Variants in HDAC9 observed in about 807,000 individuals in gnomAD.
HDAC9 encodes the protein histone deacetylase 9, also known as MEF-2 interacting transcription repressor (MITR) protein.
Under a neutral mutation model 139.4 loss-of-function variants are expected in HDAC9, and 41 were observed. The observed-to-expected ratio is 0.29, with a 90% CI of 0.23 to 0.38. The LOEUF (loss-of-function observed/expected upper bound fraction) is 0.38. HDAC9 is among the 10% of genes least tolerant of loss of function. The pLI is 1.00. For missense variants in HDAC9, 1,147 were observed against 1,297.0 expected (o/e 0.88, Z 1.78); for synonymous variants, 517 against 476.2 (o/e 1.09, Z -1.12).
intron 12 of HDAC9, among the ~76,000 whole-genome samples, chr7:18,690,699 C>A (rs1375222596): frequency 6.6e-6 from 1 of 151,830 alleles, no homozygotes; most frequent in Non-Finnish European, 1.5e-5. Context: ...AAAGAGAAGT[C>A]TAATTATTTT....
chr7:18,157,233 C>T (rs1283196878), intron 1 of HDAC9, among the ~76,000 whole-genome samples: 1 of 152,164 alleles, frequency 6.6e-6, no homozygotes, highest in Non-Finnish European at 1.5e-5. Context: ...TAAGGCTCCA[C>T]CAGTGCTTAT....
intron 1 of HDAC9, among the ~76,000 whole-genome samples, chr7:18,453,282 G>A (rs1563003526): frequency 6.6e-6 from 1 of 152,080 alleles, no homozygotes; most frequent in Non-Finnish European, 1.5e-5. Flanking sequence ...ATTTCCAGGT[G>A]TAATGATGAT....
Position 18,616,541 on chromosome 7 carries a change from TA to T in HDAC9, c.665-12806del, listed in dbSNP as rs1228434374. ...CAAGATAGGTAATAGTGTTTCCTTA[TA>T]AATATATATTATAAAGAGAATGTAT... is the stretch of plus-strand genomic sequence containing the variant. On this transcript the variant is annotated intron_variant, in intron 6 of 25. Coordinates refer to ENST00000686413, the MANE Select transcript of HDAC9 (RefSeq NM_178425.4). Among the ~76,000 whole-genome samples the T allele has an allele frequency of 8.5e-5, 13 of 152,300 alleles. No individual in the cohort carries two copies. The South Asian group carries it at 2.5e-3, about 29-fold the overall frequency.
intron 1 of HDAC9, among the ~76,000 whole-genome samples, chr7:18,358,592 A>G (rs1383261243): frequency 6.6e-6 from 1 of 152,222 alleles, no homozygotes. Flanking sequence ...ATGGGAGCAG[A>G]TGAGAACATG....
chr7:18,180,516 G>T (rs1458402781), intron 2 of HDAC9, among the ~76,000 whole-genome samples: 2 of 151,976 alleles, frequency 1.3e-5, no homozygotes, highest in East Asian at 3.9e-4. Context: ...GTTGTATTTG[G>T]TACCTAGATT....
intron 1 of HDAC9, among the ~76,000 whole-genome samples, chr7:18,330,021 T>A (rs1032146090): frequency 6.7e-6 from 1 of 150,294 alleles, no homozygotes; most frequent in Non-Finnish European, 1.5e-5. Context: ...TGTGTGAGAA[T>A]AATGGGAAGG....
chr7:18,979,872 G>A (rs1784785449), intron 25 of HDAC9, among the ~76,000 whole-genome samples: 1 of 152,158 alleles, frequency 6.6e-6, no homozygotes, highest in South Asian at 2.1e-4. Flanking sequence ...ATTCATGAGG[G>A]ATCTGCCTCC....
intron 2 of HDAC9, among the ~76,000 whole-genome samples, chr7:18,558,591 T>C (rs113549395): frequency 2.2e-4 from 33 of 152,340 alleles, no homozygotes; most frequent in African/African-American, 7.0e-4. Context: ...TTGTAACATT[T>C]GTATTGAATA....
Position 18,489,303 on chromosome 7 carries a change from T to G in HDAC9, c.-41-6959T>G, listed in dbSNP as rs112112892. Among the ~76,000 whole-genome samples the G allele has an allele frequency of 5.0e-3, 760 of 152,144 alleles. 13 individuals carry two copies. Among genetic ancestry groups the G allele is most frequent in the African/African-American group, 0.016 (679 of 41,554 alleles). ...TCAATTATATAACTTTCTTTAGAATTTATACAGTTTCTTAGAAAAACAAAT... is the reference window on the plus strand; with the variant it reads ...TCAATTATATAACTTTCTTTAGAATGTATACAGTTTCTTAGAAAAACAAAT... On this transcript the variant is annotated intron_variant, in intron 1 of 3. Coordinates refer to the HDAC9 transcript ENST00000413509.
chr7:18,742,655 A>T (rs1029331357), intron 13 of HDAC9, among the ~76,000 whole-genome samples: 93 of 148,060 alleles, frequency 6.3e-4, no homozygotes, highest in African/African-American at 2.2e-3. Flanking sequence ...TTATTTGGTT[A>T]TTTTTTTTTT....
intron 5 of HDAC9, among the ~76,000 whole-genome samples, chr7:18,592,955 T>G (rs1831406957): frequency 1.3e-5 from 2 of 152,106 alleles, no homozygotes; most frequent in African/African-American, 2.4e-5. Flanking sequence ...TTAAAGTTCA[T>G]TAGCTGTTCT....
chr7:18,285,719 A>T (rs1358241773), upstream of HDAC9, among the ~76,000 whole-genome samples: 1 of 152,116 alleles, frequency 6.6e-6, no homozygotes, highest in East Asian at 1.9e-4. Context: ...TGTTTACTAG[A>T]GAAGACAGGC....
chr7:18,855,759 A>C (rs113567135), intron 21 of HDAC9, among the ~76,000 whole-genome samples: 1 of 152,066 alleles, frequency 6.6e-6, no homozygotes, highest in African/African-American at 2.4e-5. Flanking sequence ...AGCCAAATCC[A>C]GGTCAAGCTG....
Position 18,996,187 on chromosome 7 carries a change from G to T in HDAC9, c.*125G>T. 1.6e-6 allele frequency: 1 copy of T among 629,012 alleles called. No individual in the cohort carries two copies. The highest frequency in any genetic ancestry group is 2.8e-6 in the Non-Finnish European group (1 of 362,036). The allele number at this position is 629,012 out of a possible 1,614,324, so 39.0% of individuals were successfully genotyped here. A position where few individuals can be genotyped will look rare whatever the true frequency, so the allele number is the denominator to read the frequency against. On this transcript the variant is annotated 3_prime_UTR_variant, in exon 26 of 26. Transcript: ENST00000686413. ...CAGATTCAATGGAACATAAACACTGGGCACAAAATTCTGAACAGCAGCTTC... is the reference window on the plus strand; with the variant it reads ...CAGATTCAATGGAACATAAACACTGTGCACAAAATTCTGAACAGCAGCTTC...
rs544513700 is a variant in HDAC9 at position 18,921,130 on chromosome 7, G to C, written c.2804-14679G>C. Among the ~76,000 whole-genome samples the C allele has an allele frequency of 3.6e-4, 55 of 152,062 alleles. No individual in the cohort carries two copies. In the South Asian group the frequency reaches 8.9e-3, roughly 25 times the overall value. ...TGTTAGACCTAAAACCATAAAAACCGTAGAAGAAAACCTAGGCAATACCAT... is the reference window on the plus strand; with the variant it reads ...TGTTAGACCTAAAACCATAAAAACCCTAGAAGAAAACCTAGGCAATACCAT... On this transcript the variant is annotated intron_variant, in intron 22 of 25. Transcript: ENST00000686413.
chr7:18,215,405 A>G (rs746686952), intron 2 of HDAC9, among the ~76,000 whole-genome samples: 18 of 152,192 alleles, frequency 1.2e-4, no homozygotes, highest in Non-Finnish European at 2.2e-4. Flanking sequence ...TTCTGTTAGC[A>G]TGTAAGGTCC....
intron 7 of HDAC9, among the ~76,000 whole-genome samples, chr7:18,631,280 G>A (rs1251880044): frequency 1.3e-5 from 2 of 152,082 alleles, no homozygotes; most frequent in Admixed American, 6.6e-5. Flanking sequence ...ATATGTATTG[G>A]AAGAGAGACT....
chr7:18,787,796 A>G (rs1341135979), intron 16 of HDAC9, among the ~76,000 whole-genome samples: 1 of 152,188 alleles, frequency 6.6e-6, no homozygotes, highest in Non-Finnish European at 1.5e-5. Flanking sequence ...ATGCTCCCTC[A>G]GATGTGTGAT....
intron 12 of HDAC9, among the ~76,000 whole-genome samples, chr7:18,725,273 T>G (rs954515319): frequency 6.6e-6 from 1 of 152,180 alleles, no homozygotes; most frequent in Non-Finnish European, 1.5e-5. Context: ...TTTAATACTA[T>G]TTTTTGAAGT....
Sources: allele counts gnomAD v4.1 joint callset (sites outside exome capture counted in the v4.1 genomes callset), GRCh38; gene constraint gnomAD v4.1.1; transcripts MANE v1.5; gene names NCBI Gene and HGNC (gene_info 2026-07-23, HGNC 2026-07-21).